The following MYH14 variants were observed in gnomAD, a reference collection of about 807,000 sequenced individuals.
MYH14 encodes myosin-14.
MYH14 carries 123 observed loss-of-function variants against 255.5 expected under a neutral mutation model. That is an observed-to-expected ratio of 0.48 (90% confidence interval 0.42 to 0.56). The LOEUF is 0.56. MYH14 is among the 20% of genes least tolerant of loss of function. The pLI, the probability that MYH14 is intolerant of heterozygous loss-of-function variation, is 0.00. For missense variants in MYH14, 2,423 were observed against 2,802.3 expected (o/e 0.86, Z 3.06); for synonymous variants, 1,095 against 1,161.2 (o/e 0.94, Z 1.16).
intron 8 of MYH14, 85 bp downstream of exon 8, chr19:50,227,051 A>T (rs1344950519): frequency 8.9e-7 from 1 of 1,126,352 alleles, no homozygotes; most frequent in Admixed American, 2.0e-5. Context: ...CTCCCACTGC[A>T]GGGACCCCTT....
chr19:50,209,797 AAAG>A lies in MYH14; in HGVS notation c.-3-563_-3-561del, dbSNP rs1165313692. ...AGACTCCATCTCAAAAAAAAAAAAAAAAGAAAATAATTAGCCGGGGCCGGGTGT... is the reference window on the plus strand; with the variant it reads ...AGACTCCATCTCAAAAAAAAAAAAAAAAAATAATTAGCCGGGGCCGGGTGT... On this transcript the variant is annotated intron_variant, in intron 1 of 42. Coordinates refer to ENST00000642316, the MANE Select transcript of MYH14 (RefSeq NM_001145809.2). Among the ~76,000 whole-genome samples the A allele has an allele frequency of 4.0e-5, 6 of 148,662 alleles. No individual in the cohort carries two copies. The South Asian group carries it at 8.5e-4, about 21-fold the overall frequency.
At chr19:50,296,978 GTTT>G (rs869302796) in intron 39 of MYH14, among the ~76,000 whole-genome samples, 2 of 68,890 alleles carry the variant, frequency 2.9e-5, no homozygotes, top group Non-Finnish European at 7.9e-5. Context: ...TATTCTCTCT[GTTT>G]TTTTTTGTTT....
chr19:50,209,322 C>T (rs938881764), intron 1 of MYH14, among the ~76,000 whole-genome samples: 1 of 152,112 alleles, frequency 6.6e-6, no homozygotes, highest in African/African-American at 2.4e-5. Context: ...GCGTCTTCTT[C>T]CAGCTTGTCT....
chr19:50,246,103 C>CTTT (rs1568493695), intron 11 of MYH14, among the ~76,000 whole-genome samples: 1 of 67,046 alleles, frequency 1.5e-5, no homozygotes, highest in Non-Finnish European at 3.6e-5. Flanking sequence ...TCCCTCCCTC[C>CTTT]CTTCCTTTCT....
At chr19:50,281,568 A>G (rs2035719452) in intron 32 of MYH14, 26 bp from the exon 33 acceptor site, 1 of 1,549,286 alleles carries the variant, frequency 6.5e-7, no homozygotes. Context: ...CGTGACCACC[A>G]ACCACCCTCT....
intron 13 of MYH14, 137 bp downstream of exon 13, chr19:50,249,276 G>T: frequency 1.9e-6 from 2 of 1,049,258 alleles, no homozygotes; most frequent in Non-Finnish European, 2.7e-6. Flanking sequence ...CCCTCTCTCT[G>T]GTCTCTGTCC....
At position 50,252,713 on chromosome 19, in the gene MYH14, C is replaced by T; in HGVS notation, c.1905C>T (p.His635=). ...PLNDNVAALL[H]QSTDRLTAEI... The stretch of plus-strand genomic sequence containing the variant: ...ATGACAACGTCGCAGCCTTGCTCCA[C>T]CAGAGCACAGACCGGCTGACGGCAG... Residue 635 remains histidine, a synonymous_variant, in exon 16 of 43, where the codon CAC becomes CAT. Transcript: ENST00000642316. The surrounding 1 kb of genome is among the most constrained non-coding windows in gnomAD (Gnocchi z 4.2). The T allele has an allele frequency of 6.2e-7, 1 of 1,600,722 alleles. No homozygotes were observed. The highest frequency in any genetic ancestry group is 1.3e-5 in the African/African-American group (1 of 74,682).
At position 50,210,670 on chromosome 19, in the gene MYH14, C is replaced by T; in HGVS notation, c.305C>T (p.Pro102Leu). 6.4e-7 allele frequency: 1 copy of T among 1,571,626 alleles called. No homozygotes were observed. Among genetic ancestry groups the T allele is most frequent in the Non-Finnish European group, 8.6e-7 (1 of 1,160,158 alleles). The change falls in exon 2 of 43, where the codon CCC (proline) becomes CTC (leucine). Residue 102 changes from proline (P) to leucine (L), a missense_variant. By Grantham distance (98) the Pro-to-Leu change is moderately conservative (BLOSUM62 -3). Coordinates refer to ENST00000642316, the MANE Select transcript of MYH14 (RefSeq NM_001145809.2). ...GACCAGATCCAGCGCATGAACCCGCCCAAGTTCAGCAAGGCCGAGGACATG... is the reference window on the plus strand; with the variant it reads ...GACCAGATCCAGCGCATGAACCCGCTCAAGTTCAGCAAGGCCGAGGACATG... ...PRDQIQRMNP[P>L]KFSKAEDMAE... is the part of the protein sequence containing the mutation.
At chr19:50,301,589 G>T in intron 39 of MYH14, 72 bp from the exon 40 acceptor site, 1 of 1,174,840 alleles carries the variant, frequency 8.5e-7, no homozygotes, top group South Asian at 1.3e-5. Context: ...AATTCTCAGA[G>T]GTGCCTGGAT....
In MYH14 at chr19:50,276,707, G is replaced by T. The variant is rs1230936967; in HGVS notation, c.3681-50G>T. The T allele has an allele frequency of 6.2e-7, 1 of 1,611,894 alleles. No homozygotes were observed. Among genetic ancestry groups the T allele is most frequent in the Non-Finnish European group, 8.5e-7 (1 of 1,179,494 alleles). ...AACAACCAGCTCCCCCAAAGCCCCT[G>T]CCTTCCTCTGCTCTGAAATTCCCAT... On this transcript the variant is annotated intron_variant, in intron 28 of 42. Transcript: ENST00000642316. This position sits in a 1 kb window ranked among gnomAD's most constrained non-coding sequence, Gnocchi z 4.3.
chr19:50,271,688 A>T, intron 25 of MYH14, 142 bp downstream of exon 25: 1 of 1,447,338 alleles, frequency 6.9e-7, no homozygotes, highest in Non-Finnish European at 9.4e-7. Flanking sequence ...TATAGCCCCA[A>T]GGGAATGGGA....
rs150230364 is a variant in MYH14, at chr19:50,291,762, G to A, written c.5128-499G>A. ...CACCTGTGGTCTCAGCTACTCAGGA[G>A]GCTGAGGCAGGAGAATTGCTTGAAT... On this transcript the variant is annotated intron_variant, in intron 36 of 42. Transcript: ENST00000642316. 5.7e-3 allele frequency among the ~76,000 whole-genome samples: 875 copies of A among 152,254 alleles called. 13 individuals are homozygous for A. Among genetic ancestry groups the A allele is most frequent in the African/African-American group, 0.02 (849 of 41,550 alleles).
Position 50,232,067 on chromosome 19 carries a change from A to T in MYH14, c.1111A>T (p.Ile371Phe). 6.2e-7 allele frequency: 1 copy of T among 1,611,722 alleles called. No individual in the cohort carries two copies. The highest frequency in any genetic ancestry group is 8.5e-7 in the Non-Finnish European group (1 of 1,179,884). The change falls in exon 10 of 43, where the codon ATC becomes TTC. Residue 371 changes from isoleucine to phenylalanine, a missense_variant. By Grantham distance (21) the Ile-to-Phe change is conservative (BLOSUM62 0). This residue lies in a region of MYH14 where 672 missense variants were observed against 881.8 expected (regional missense o/e 0.76). Transcript: ENST00000642316. The stretch of plus-strand genomic sequence containing the variant: ...CCTGGGATTCAGCCACGAGGAAATC[A>T]TCTGTGAGTGAGCCCCGTGGAGGCC... ...RVLGFSHEEI[I>F]SMLRMVSAVL... is the part of the protein sequence containing the mutation.
chr19:50,220,739 G>A (rs533187737), intron 3 of MYH14, among the ~76,000 whole-genome samples: 3 of 152,128 alleles, frequency 2.0e-5, no homozygotes, highest in African/African-American at 7.2e-5. Flanking sequence ...TTTTAGTAGA[G>A]ACCAGGTTTC....
In MYH14 at chr19:50,278,149, C is replaced by T; in HGVS notation, c.3892C>T (p.Leu1298=). 1.2e-6 allele frequency: 2 copies of T among 1,610,922 alleles called. No homozygotes were observed. The highest frequency in any genetic ancestry group is 2.2e-5 in the South Asian group (2 of 90,768). The stretch of plus-strand genomic sequence containing the variant: ...CGAGGTGTCCGAGCTGCGGGCAGAA[C>T]TGAGCAGCCTGCAGACTGCACGTCA... ...EAEVSELRAE[L]SSLQTARQEG... is the part of the protein sequence containing the mutation. The change falls in exon 30 of 43, where the codon CTG becomes TTG. Residue 1298 remains leucine (L), a synonymous_variant. Transcript: ENST00000642316.
At chr19:50,288,137 G>A (rs1182167652) in intron 34 of MYH14, among the ~76,000 whole-genome samples, 1 of 152,196 alleles carries the variant, frequency 6.6e-6, no homozygotes, top group African/African-American at 2.4e-5. Context: ...TTCATCCTCT[G>A]AATACATTTA....
chr19:50,307,004 A>G, intron 40 of MYH14, 45 bp from the exon 41 acceptor site: 1 of 1,393,464 alleles, frequency 7.2e-7, no homozygotes, highest in Non-Finnish European at 1.0e-6. Context: ...ACAAAATCCT[A>G]GGTTGAGCCC....
chr19:50,224,777 C>T (rs2123209511), intron 6 of MYH14: 1 of 456,326 alleles, frequency 2.2e-6, no homozygotes, highest in Admixed American at 2.4e-5. Flanking sequence ...CTGCTTGAAG[C>T]ACTTTACATA....
intron 40 of MYH14, among the ~76,000 whole-genome samples, chr19:50,305,588 A>T (rs963369978): frequency 9.2e-5 from 14 of 152,004 alleles, no homozygotes; most frequent in Admixed American, 9.2e-4. Context: ...CTGCTCCATT[A>T]TACAAATGAG....
Sources: gnomAD v4.1 joint callset for allele counts (sites outside exome capture counted in the v4.1 genomes callset) on GRCh38, gnomAD v4.1.1 for gene constraint, gnomAD v4.1.1 regional missense constraint, Gnocchi (gnomAD v3.1) non-coding constraint, MANE v1.5 for transcripts, NCBI Gene and HGNC (gene_info 2026-07-23, HGNC 2026-07-21) for gene names.